Variants in SHISA6 observed in about 807,000 individuals in gnomAD.
The protein encoded by SHISA6 is shisa family member 6.
SHISA6 carries 22 observed loss-of-function variants against 47.9 expected under a neutral mutation model. The observed-to-expected ratio is 0.46, with a 90% CI of 0.33 to 0.66. SHISA6 has a LOEUF of 0.66. SHISA6 is among the 30% of genes least tolerant of loss of function. The pLI is 0.02. For synonymous variants in SHISA6, 388 were observed against 337.8 expected, an observed-to-expected ratio of 1.15 and a Z score of -1.63; for missense variants, 680 against 764.6, an observed-to-expected ratio of 0.89 and a Z score of 1.30.
chr17:11,437,813 T>G (rs1597513052), intron 3 of SHISA6, among the ~76,000 whole-genome samples: 1 of 152,236 alleles, frequency 6.6e-6, no homozygotes, highest in African/African-American at 2.4e-5. Flanking sequence ...GTAGTGGTGG[T>G]TTTGGTTTGA....
In SHISA6 at chr17:11,241,877, A is replaced by C; in HGVS notation, c.455A>C (p.Gln152Pro). 1 of 1,551,250 alleles carries C rather than the reference A, an allele frequency of 6.4e-7. No individual in the cohort carries two copies. The highest frequency in any genetic ancestry group is 8.7e-7 in the Non-Finnish European group (1 of 1,147,024). The change falls in exon 1 of 6, where the codon CAG (glutamine) becomes CCG (proline). Residue 152 changes from glutamine to proline, a missense_variant. Transcript: ENST00000441885. The surrounding 1 kb of genome is among the most constrained non-coding windows in gnomAD (Gnocchi z 5.5). ...AACTACCAGAGCCCGGTGTGGGTAC[A>C]GACGCCCAGCACCAAGGTGGTGTCG... Reference protein sequence around the residue: ...CTNYQSPVWVQTPSTKVVSPG... With the variant: ...CTNYQSPVWVPTPSTKVVSPG...
chr17:11,422,374 G>A (rs564847955), intron 3 of SHISA6, among the ~76,000 whole-genome samples: 15 of 152,294 alleles, frequency 9.8e-5, no homozygotes, highest in Admixed American at 5.2e-4. Context: ...AGCCACTACC[G>A]AGCCCAGTCA....
intron 2 of SHISA6, among the ~76,000 whole-genome samples, chr17:11,330,669 G>GA (rs1433963031): frequency 2.0e-5 from 3 of 152,042 alleles, no homozygotes; most frequent in African/African-American, 4.8e-5. Flanking sequence ...ATTCATTACA[G>GA]AAAAAACGTA....
intron 3 of SHISA6, among the ~76,000 whole-genome samples, chr17:11,473,125 C>G (rs1414194569): frequency 6.6e-6 from 1 of 152,160 alleles, no homozygotes; most frequent in East Asian, 1.9e-4. Flanking sequence ...TTCTCATTGT[C>G]TTGAAACTGT....
chr17:11,477,758 T>G (rs909920214), intron 3 of SHISA6, among the ~76,000 whole-genome samples: 10 of 150,980 alleles, frequency 6.6e-5, no homozygotes, highest in African/African-American at 2.4e-4. Context: ...CTCATCATTT[T>G]TTATGGCTGC....
chr17:11,436,688 C>G (rs985185760), intron 3 of SHISA6, among the ~76,000 whole-genome samples: 2 of 152,208 alleles, frequency 1.3e-5, no homozygotes, highest in South Asian at 4.1e-4. Context: ...ACAGTAGACA[C>G]TGAGAAATAG....
intron 3 of SHISA6, among the ~76,000 whole-genome samples, chr17:11,421,572 A>G (rs1484110803): frequency 6.6e-6 from 1 of 152,208 alleles, no homozygotes; most frequent in Admixed American, 6.5e-5. Context: ...GACATGATAC[A>G]CCACGAGGTG....
intron 3 of SHISA6, among the ~76,000 whole-genome samples, chr17:11,465,086 C>A (rs1373713525): frequency 6.6e-6 from 1 of 152,194 alleles, no homozygotes; most frequent in East Asian, 1.9e-4. Context: ...GTACCTCTGT[C>A]TTCAGCCACC....
At chr17:11,288,939 T>A (rs1472317173) in intron 2 of SHISA6, 1 of 152,190 alleles carries the variant, frequency 6.6e-6, no homozygotes, top group Non-Finnish European at 1.5e-5. Flanking sequence ...GTTCTTTGTG[T>A]GGTTTATTTT....
chr17:11,464,096 T>C (rs1431841979), intron 3 of SHISA6, among the ~76,000 whole-genome samples: 1 of 152,086 alleles, frequency 6.6e-6, no homozygotes, highest in Non-Finnish European at 1.5e-5. Context: ...TTTAAATTTT[T>C]TTTAGAGATG....
chr17:11,263,442 G>C lies in SHISA6; in HGVS notation c.715G>C (p.Asp239His). 2 of 1,551,822 alleles carry C rather than the reference G, an allele frequency of 1.3e-6. No homozygotes were observed. The highest frequency in any genetic ancestry group is 1.7e-6 in the Non-Finnish European group (2 of 1,147,040). Reference sequence around the variant, plus strand: ...TGAAAGAGAAACTATCTCGGCTATCGATACCTCTCCCAAAGAGAACACGCC... The same window carrying C: ...TGAAAGAGAAACTATCTCGGCTATCCATACCTCTCCCAAAGAGAACACGCC... Reference protein sequence around the residue: ...HCERETISAIDTSPKENTPVR... With the variant: ...HCERETISAIHTSPKENTPVR... The change falls in exon 2 of 6, where the codon GAT (aspartate) becomes CAT (histidine). Residue 239 changes from aspartate to histidine, a missense_variant. This residue lies in a region of SHISA6 where 559 missense variants were observed against 674.1 expected (regional missense o/e 0.83). Coordinates refer to ENST00000441885, the MANE Select transcript of SHISA6 (RefSeq NM_207386.4).
intron 2 of SHISA6, among the ~76,000 whole-genome samples, chr17:11,335,761 A>G (rs1911296594): frequency 1.3e-5 from 2 of 152,018 alleles, no homozygotes; most frequent in Admixed American, 6.5e-5. Flanking sequence ...TGGTGCCACT[A>G]CTCATTGGCC....
intron 2 of SHISA6, among the ~76,000 whole-genome samples, chr17:11,376,325 G>GT (rs11298546): frequency 5.0e-4 from 66 of 130,932 alleles, no homozygotes; most frequent in African/African-American, 1.6e-3. Context: ...TTTTTTGTTT[G>GT]TTTTTTTTTT....
rs558215602 is a variant in SHISA6 at position 11,341,796 on chromosome 17, A to G, written c.800-37618A>G. ...GCTCATTTTTCTCCTTGATGTTATG[A>G]TATCAGTGCTGTTGCCCATAGACTG... is the stretch of plus-strand genomic sequence containing the variant. On this transcript the variant is annotated intron_variant, in intron 2 of 5. Coordinates refer to ENST00000441885, the MANE Select transcript of SHISA6 (RefSeq NM_207386.4). Among the ~76,000 whole-genome samples, 13 of 152,274 alleles carry G rather than the reference A, an allele frequency of 8.5e-5. No individual in the cohort carries two copies. In the East Asian group the frequency reaches 2.5e-3, roughly 29 times the overall value.
chr17:11,486,112 C>A (rs75512258), intron 3 of SHISA6, among the ~76,000 whole-genome samples: 1 of 152,128 alleles, frequency 6.6e-6, no homozygotes, highest in Non-Finnish European at 1.5e-5. Flanking sequence ...AGGCCTCTGC[C>A]GCAGCTCACT....
intron 2 of SHISA6, among the ~76,000 whole-genome samples, chr17:11,295,220 C>A (rs890939544): frequency 1.3e-5 from 2 of 152,182 alleles, no homozygotes; most frequent in Non-Finnish European, 2.9e-5. Flanking sequence ...GAAAGCAAAA[C>A]GGCAGATAAT....
intron 3 of SHISA6, among the ~76,000 whole-genome samples, chr17:11,402,244 G>A (rs1269696410): frequency 6.6e-6 from 1 of 152,082 alleles, no homozygotes; most frequent in African/African-American, 2.4e-5. Flanking sequence ...ATCCTCCTTA[G>A]GAACTACACG....
intron 1 of SHISA6, 52 bp downstream of exon 1, chr17:11,242,112 C>A: frequency 6.5e-7 from 1 of 1,544,602 alleles, no homozygotes; most frequent in Admixed American, 2.0e-5. Context: ...CTCACCCTCT[C>A]AGCTTGCTTC....
intron 3 of SHISA6, among the ~76,000 whole-genome samples, chr17:11,421,885 C>T (rs138904865): frequency 2.0e-5 from 3 of 152,312 alleles, no homozygotes; most frequent in Non-Finnish European, 2.9e-5. Context: ...AAAGGGTTAT[C>T]TCACAGCTTT....
Sources: gnomAD v4.1 joint callset for allele counts (sites outside exome capture counted in the v4.1 genomes callset) on GRCh38, gnomAD v4.1.1 for gene constraint, gnomAD v4.1.1 regional missense constraint, Gnocchi (gnomAD v3.1) non-coding constraint, MANE v1.5 for transcripts, NCBI Gene and HGNC (gene_info 2026-07-23, HGNC 2026-07-21) for gene names.